SMARCA5: variants seen among roughly 807,000 people sequenced by gnomAD.
SMARCA5 encodes the protein SWI/SNF-related matrix-associated actin-dependent regulator of chromatin subfamily A member 5.
A neutral mutation model predicts 140.4 loss-of-function variants in SMARCA5; 18 were observed. The ratio of observed to expected loss-of-function variants is 0.13; its 90% CI spans 0.09 to 0.19. The LOEUF (loss-of-function observed/expected upper bound fraction) is 0.19. Among genes scored for constraint, SMARCA5 ranks in the 10% least tolerant of loss-of-function variants. SMARCA5 has a pLI of 1.00. For synonymous variants in SMARCA5, 449 were observed against 419.6 expected (o/e 1.07, Z -0.86); for missense variants, 606 against 1,276.8 (o/e 0.47, Z 8.01).
chr4:143,523,287 A>G (rs1737000037), intron 3 of SMARCA5, among the ~76,000 whole-genome samples: 1 of 151,642 alleles, frequency 6.6e-6, no homozygotes, highest in Non-Finnish European at 1.5e-5. Flanking sequence ...TCTGCCTCCT[A>G]AAGTGTTGGG....
At chr4:143,522,190 C>T (rs897807033) in intron 3 of SMARCA5, among the ~76,000 whole-genome samples, 2 of 152,098 alleles carry the variant, frequency 1.3e-5, no homozygotes, top group South Asian at 2.1e-4. Context: ...ACTTACATCA[C>T]GGCAGCCTGT....
In SMARCA5 at chr4:143,514,192, G is replaced by A. The variant is rs1468347010; in HGVS notation, c.177+91G>A. On this transcript the variant is annotated intron_variant, in intron 1 of 23. Coordinates refer to ENST00000283131, the MANE Select transcript of SMARCA5 (RefSeq NM_003601.4). ...TCGTGGCGATCGGACGCAGAGCCGG[G>A]TTTCTCTCTCTGCACCAGACTCAGC... 3 of 1,225,776 alleles carry A rather than the reference G, an allele frequency of 2.4e-6. No individual in the cohort carries two copies. The African/African-American group carries it at 4.6e-5, about 19-fold the overall frequency. 75.9% of individuals were successfully genotyped at this position (1,225,776 alleles called of 1,614,324 possible). A position where few individuals can be genotyped will look rare whatever the true frequency, so the allele number is the denominator to read the frequency against.
intron 17 of SMARCA5, 111 bp from the exon 18 acceptor site, chr4:143,545,359 C>A: frequency 1.5e-6 from 1 of 686,942 alleles, no homozygotes; most frequent in Non-Finnish European, 2.6e-6. Flanking sequence ...TTGAAAGATG[C>A]ATTCAGTTGC....
chr4:143,532,933 G>C (rs549522209), intron 9 of SMARCA5, among the ~76,000 whole-genome samples: 97 of 152,264 alleles, frequency 6.4e-4, no homozygotes, highest in Middle Eastern at 3.4e-3. Context: ...TGTTGACTAG[G>C]GCTGAACTAG....
At chr4:143,546,701 T>C (rs1425424122) in intron 19 of SMARCA5, 75 bp from the exon 20 acceptor site, 1 of 1,414,276 alleles carries the variant, frequency 7.1e-7, no homozygotes, top group Admixed American at 2.1e-5. Flanking sequence ...TTGTAATATT[T>C]AGAAGGTTTG....
At chr4:143,514,243 T>G (rs1283395972) in intron 1 of SMARCA5, 142 bp downstream of exon 1, 1 of 742,540 alleles carries the variant, frequency 1.3e-6, no homozygotes, top group Non-Finnish European at 2.1e-6. Context: ...TACGAAATGA[T>G]GCTCTCACTC....
intron 10 of SMARCA5, among the ~76,000 whole-genome samples, chr4:143,535,978 C>T (rs150503038): frequency 2.0e-5 from 3 of 152,212 alleles, no homozygotes; most frequent in South Asian, 4.1e-4. Context: ...TTATTCTCAT[C>T]ATCATGCCTT....
At chr4:143,548,968 A>G (rs752805410) in intron 22 of SMARCA5, among the ~76,000 whole-genome samples, 3 of 152,130 alleles carry the variant, frequency 2.0e-5, no homozygotes, top group Non-Finnish European at 4.4e-5. Context: ...AGTTTGGGAA[A>G]TGTACTAAAC....
At chr4:143,539,044 CTCTAA>C (rs1401609065) in intron 13 of SMARCA5, 106 bp downstream of exon 13, 7 of 978,932 alleles carry the variant, frequency 7.2e-6, no homozygotes, top group Non-Finnish European at 1.1e-5. Flanking sequence ...TTTTATTTTT[CTCTAA>C]TCTAATGGTT....
At chr4:143,531,067 G>T (rs1737174187) in intron 9 of SMARCA5, among the ~76,000 whole-genome samples, 1 of 152,170 alleles carries the variant, frequency 6.6e-6, no homozygotes, top group Non-Finnish European at 1.5e-5. Context: ...CAACCTGCCT[G>T]CCTTGGCCTC....
At chr4:143,524,306 A>C in intron 3 of SMARCA5, 61 bp from the exon 4 acceptor site, 1 of 1,179,412 alleles carries the variant, frequency 8.5e-7, no homozygotes, top group Non-Finnish European at 1.2e-6. Context: ...ATGATGTTTA[A>C]ACAGTAGCTG....
At position 143,524,418 on chromosome 4, in the gene SMARCA5, A is replaced by G. The variant is rs756545864; in HGVS notation, c.471A>G (p.Glu157=). The G allele has an allele frequency of 9.3e-6, 15 of 1,613,230 alleles. No individual in the cohort carries two copies. The change falls in exon 4 of 24, where the codon GAA becomes GAG. Residue 157 remains glutamate (E), a synonymous_variant. Transcript: ENST00000283131. ...EQEEDEELLT[E]SSKATNVCTR... ...AGGAGGATGAAGAGCTATTAACAGA[A>G]AGCTCCAAAGCAACCAATGTTTGCA...
intron 9 of SMARCA5, 43 bp from the exon 10 acceptor site, chr4:143,534,812 T>C (rs374163829): frequency 3.0e-6 from 4 of 1,323,498 alleles, no homozygotes; most frequent in East Asian, 2.4e-5. Flanking sequence ...TATGACCTTA[T>C]GTGTAATATT....
intron 6 of SMARCA5, among the ~76,000 whole-genome samples, chr4:143,526,732 G>C (rs1174799498): frequency 6.6e-6 from 1 of 151,970 alleles, no homozygotes; most frequent in Non-Finnish European, 1.5e-5. Flanking sequence ...GTGGTGGCAC[G>C]CATGGCCTGT....
At chr4:143,532,771 A>G (rs1295521383) in intron 9 of SMARCA5, among the ~76,000 whole-genome samples, 3 of 148,282 alleles carry the variant, frequency 2.0e-5, no homozygotes, top group Non-Finnish European at 4.5e-5. Context: ...TTTATATTTT[A>G]TTAACAACCC....
intron 23 of SMARCA5, among the ~76,000 whole-genome samples, chr4:143,551,423 A>AT (rs1314402535): frequency 1.3e-5 from 2 of 151,960 alleles, no homozygotes; most frequent in Non-Finnish European, 2.9e-5. Context: ...ATGTGATCCC[A>AT]TTTGTCCATT....
intron 3 of SMARCA5, 39 bp from the exon 4 acceptor site, chr4:143,524,328 C>T: frequency 6.9e-7 from 1 of 1,441,932 alleles, no homozygotes. Flanking sequence ...TAATTAAAGC[C>T]AAAACTCAAA....
chr4:143,546,744 T>G, intron 19 of SMARCA5, 32 bp from the exon 20 acceptor site: 1 of 1,589,848 alleles, frequency 6.3e-7, no homozygotes, highest in Non-Finnish European at 8.6e-7. Context: ...TAATGTGCTG[T>G]GATTAAATAT....
At chr4:143,526,918 C>A (rs1737086187) in intron 6 of SMARCA5, among the ~76,000 whole-genome samples, 1 of 151,716 alleles carries the variant, frequency 6.6e-6, no homozygotes, top group Non-Finnish European at 1.5e-5. Context: ...AGCTGTAAGA[C>A]TGTAGTTTGT....
Sources: gnomAD v4.1 joint callset for allele counts (sites outside exome capture counted in the v4.1 genomes callset) on GRCh38, gnomAD v4.1.1 for gene constraint, MANE v1.5 for transcripts, NCBI Gene and HGNC (gene_info 2026-07-23, HGNC 2026-07-21) for gene names.